PPA2: variants seen among roughly 807,000 people sequenced by gnomAD.
The protein encoded by PPA2 is inorganic pyrophosphatase 2.
PPA2 carries 48 observed loss-of-function variants against 49.5 expected under a neutral mutation model. The ratio of observed to expected loss-of-function variants is 0.97; its 90% CI spans 0.77 to 1.23. PPA2 has a LOEUF of 1.23. Ranked by LOEUF, PPA2 falls within the 50% of genes most tolerant of loss-of-function variation. The pLI, the probability that PPA2 is intolerant of heterozygous loss-of-function variation, is 0.00. For synonymous variants in PPA2, 131 were observed against 139.9 expected, an observed-to-expected ratio of 0.94 and a Z score of 0.45; for missense variants, 429 against 410.1, an observed-to-expected ratio of 1.05 and a Z score of -0.40.
At chr4:105,414,907 G>C (rs1176845632) in intron 7 of PPA2, among the ~76,000 whole-genome samples, 1 of 152,106 alleles carries the variant, frequency 6.6e-6, no homozygotes, top group Non-Finnish European at 1.5e-5. Context: ...ATCAGAAGTG[G>C]GTAGCTCCTA....
intron 4 of PPA2, among the ~76,000 whole-genome samples, 157 bp from the exon 5 acceptor site, chr4:105,446,659 T>C (rs1285527000): frequency 2.0e-5 from 3 of 152,220 alleles, no homozygotes; most frequent in African/African-American, 7.2e-5. Flanking sequence ...CCAGCTCTTA[T>C]TACTAATTTA....
intron 9 of PPA2, among the ~76,000 whole-genome samples, chr4:105,393,829 T>C (rs1340516750): frequency 1.3e-5 from 2 of 152,028 alleles, no homozygotes; most frequent in Non-Finnish European, 1.5e-5. Context: ...TTAAGAAAGA[T>C]AGGCAATTCA....
At chr4:105,464,792 T>G (rs188510922) in intron 1 of PPA2, among the ~76,000 whole-genome samples, 1 of 152,202 alleles carries the variant, frequency 6.6e-6, no homozygotes, top group African/African-American at 2.4e-5. Context: ...TCCCCAGCCA[T>G]GTGGAACTGT....
intron 1 of PPA2, chr4:105,473,310 A>C (rs1723604596): frequency 9.4e-6 from 2 of 212,040 alleles, no homozygotes; most frequent in South Asian, 5.1e-5. Context: ...TGGATGGTGG[A>C]TCACACTCAG....
chr4:105,399,295 C>A, intron 7 of PPA2, 131 bp from the exon 8 acceptor site: 1 of 787,128 alleles, frequency 1.3e-6, no homozygotes, highest in Non-Finnish European at 2.0e-6. Context: ...GATTGTGATA[C>A]CTAGAGCAGC....
intron 6 of PPA2, among the ~76,000 whole-genome samples, chr4:105,437,323 A>G (rs1476459305): frequency 6.6e-6 from 1 of 152,212 alleles, no homozygotes; most frequent in Non-Finnish European, 1.5e-5. Context: ...GAAGAGTTGA[A>G]TGTCTGCAGA....
chr4:105,433,344 T>C (rs1235913325), intron 6 of PPA2, among the ~76,000 whole-genome samples: 1 of 152,200 alleles, frequency 6.6e-6, no homozygotes, highest in African/African-American at 2.4e-5. Flanking sequence ...TTTCTATTTC[T>C]TAATAGAAAG....
At chr4:105,396,364 C>A (rs370411175) in intron 8 of PPA2, 30 bp from the exon 9 acceptor site, 1 of 1,435,394 alleles carries the variant, frequency 7.0e-7, no homozygotes, top group Non-Finnish European at 9.5e-7. Flanking sequence ...TAAAAAAAGA[C>A]GTATTTAATA....
chr4:105,385,761 T>C (rs991089480), intron 10 of PPA2, among the ~76,000 whole-genome samples: 4 of 152,122 alleles, frequency 2.6e-5, no homozygotes, highest in Admixed American at 6.5e-5. Context: ...AAGGATATCA[T>C]CTCAGCTTAC....
At chr4:105,405,934 G>T (rs573072257) in intron 7 of PPA2, 10 of 428,438 alleles carry the variant, frequency 2.3e-5, no homozygotes, top group Middle Eastern at 3.4e-4. Context: ...GTATATACTG[G>T]AATATTTCTG....
At chr4:105,412,242 G>C (rs1354810714) in intron 7 of PPA2, among the ~76,000 whole-genome samples, 2 of 152,156 alleles carry the variant, frequency 1.3e-5, no homozygotes, top group African/African-American at 4.8e-5. Flanking sequence ...TACCAAAACA[G>C]AGATATAGAC....
intron 1 of PPA2, among the ~76,000 whole-genome samples, chr4:105,462,431 G>C (rs1421021041): frequency 6.6e-6 from 1 of 152,116 alleles, no homozygotes; most frequent in Non-Finnish European, 1.5e-5. Flanking sequence ...AAAAATAATA[G>C]TTTCTACCTC....
chr4:105,445,416 T>C (rs1722332104), intron 5 of PPA2, among the ~76,000 whole-genome samples: 1 of 152,156 alleles, frequency 6.6e-6, no homozygotes. Context: ...GAAGTGCCCA[T>C]TTTAACCAAG....
At chr4:105,458,408 T>C (rs1217390947) in intron 1 of PPA2, among the ~76,000 whole-genome samples, 2 of 152,152 alleles carry the variant, frequency 1.3e-5, no homozygotes, top group Non-Finnish European at 2.9e-5. Context: ...AGGGAAAAAC[T>C]GGGGTGCGGA....
rs556836458 is a variant in PPA2 at position 105,377,308 on chromosome 4, G to T, written c.940-6435C>A. Among the ~76,000 whole-genome samples, 23 of 152,206 alleles carry T rather than the reference G, an allele frequency of 1.5e-4. No individual in the cohort carries two copies. In the South Asian group the frequency reaches 1.7e-3, roughly 11 times the overall value. On this transcript the variant is annotated intron_variant, in intron 10 of 11. Transcript: ENST00000341695. ...ACTCAACTACACTTATAGCAGTAAT[G>T]ACAATAAAACCCAACATTTATTGAA... is the stretch of plus-strand genomic sequence containing the variant.
intron 7 of PPA2, among the ~76,000 whole-genome samples, chr4:105,422,770 T>C (rs977633928): frequency 1.3e-5 from 2 of 152,214 alleles, no homozygotes; most frequent in Non-Finnish European, 2.9e-5. Flanking sequence ...GCACCAGCGC[T>C]TGTTATATGC....
At chr4:105,384,801 A>C (rs1324083185) in intron 10 of PPA2, among the ~76,000 whole-genome samples, 2 of 152,220 alleles carry the variant, frequency 1.3e-5, no homozygotes, top group East Asian at 3.8e-4. Flanking sequence ...GTTAAAATCA[A>C]AGTCAGATTA....
intron 4 of PPA2, among the ~76,000 whole-genome samples, chr4:105,447,391 G>A (rs1209151358): frequency 6.6e-6 from 1 of 152,124 alleles, no homozygotes; most frequent in Non-Finnish European, 1.5e-5. Context: ...CTAAGGGTAG[G>A]GGGAATAGGG....
At chr4:105,370,015 G>A (rs186941677) in intron 11 of PPA2, among the ~76,000 whole-genome samples, 160 of 152,180 alleles carry the variant, frequency 1.1e-3, no homozygotes, top group South Asian at 0.01. Flanking sequence ...ATCTTTCTGG[G>A]TCATTTTAGT....
Sources: allele counts gnomAD v4.1 joint callset (sites outside exome capture counted in the v4.1 genomes callset), GRCh38; gene constraint gnomAD v4.1.1; transcripts MANE v1.5; gene names NCBI Gene and HGNC (gene_info 2026-07-23, HGNC 2026-07-21).